LRP1B: variants seen among roughly 807,000 people sequenced by gnomAD.
LRP1B encodes LDL receptor related protein 1B.
Under a neutral mutation model 556.6 loss-of-function variants are expected in LRP1B, and 217 were observed. The observed-to-expected ratio is 0.39, with a 90% confidence interval of 0.35 to 0.44. The LOEUF is 0.44. Ranked by LOEUF, LRP1B falls within the 20% of genes least tolerant of loss-of-function variation. The pLI is 1.00. For synonymous variants in LRP1B, 2,047 were observed against 1,865.8 expected (o/e 1.10, Z -2.50); for missense variants, 5,053 against 5,620.8 (o/e 0.90, Z 3.23).
At chr2:141,729,066 CTGAGCCTCAAACTGGGTTCTT>C (rs1693163004) in intron 2 of LRP1B, among the ~76,000 whole-genome samples, 1 of 152,126 alleles carries the variant, frequency 6.6e-6, no homozygotes, top group African/African-American at 2.4e-5. Context: ...ATTACAGCAG[CTGAGCCTCAAACTGGGTTCTT>C]TGTGGGCTTC....
At chr2:140,271,142 A>AT (rs1347512606) in intron 85 of LRP1B, among the ~76,000 whole-genome samples, 9 of 150,746 alleles carry the variant, frequency 6.0e-5, no homozygotes, top group Admixed American at 4.6e-4. Context: ...GCCATGTTAC[A>AT]TTTTTTTAAA....
chr2:141,600,440 G>A (rs1321144525), intron 2 of LRP1B, among the ~76,000 whole-genome samples: 1 of 152,198 alleles, frequency 6.6e-6, no homozygotes, highest in Non-Finnish European at 1.5e-5. Flanking sequence ...GGGTCCTAGA[G>A]TAATGGTGGT....
At chr2:140,706,142 A>G (rs753728687) in intron 37 of LRP1B, among the ~76,000 whole-genome samples, 12 of 152,152 alleles carry the variant, frequency 7.9e-5, no homozygotes, top group Non-Finnish European at 1.3e-4. Context: ...GGTCTTTAGC[A>G]ATAGGAAGAA....
chr2:140,313,788 A>G (rs746272605), intron 83 of LRP1B, among the ~76,000 whole-genome samples: 35 of 152,020 alleles, frequency 2.3e-4, no homozygotes, highest in Non-Finnish European at 3.8e-4. Context: ...GTAACAGAAT[A>G]TACTTTATGA....
intron 1 of LRP1B, among the ~76,000 whole-genome samples, chr2:141,913,185 T>C (rs978638305): frequency 6.6e-6 from 1 of 152,140 alleles, no homozygotes; most frequent in Non-Finnish European, 1.5e-5. Context: ...CTGAACCATA[T>C]ATTACAATGA....
At chr2:141,784,240 A>G (rs1695353886) in intron 2 of LRP1B, among the ~76,000 whole-genome samples, 1 of 152,042 alleles carries the variant, frequency 6.6e-6, no homozygotes, top group Non-Finnish European at 1.5e-5. Flanking sequence ...TACTGGTGGT[A>G]GAAAGAAGAC....
intron 3 of LRP1B, among the ~76,000 whole-genome samples, chr2:141,388,162 G>A (rs186596202): frequency 2.2e-3 from 336 of 152,220 alleles, no homozygotes; most frequent in African/African-American, 7.3e-3. Flanking sequence ...ATGGCCGGGC[G>A]CAGTGGCTCA....
At chr2:141,155,965 T>C (rs1391931273) in intron 7 of LRP1B, among the ~76,000 whole-genome samples, 2 of 152,128 alleles carry the variant, frequency 1.3e-5, no homozygotes, top group Non-Finnish European at 2.9e-5. Context: ...ACTCCTTTCT[T>C]CCATAATTCC....
At chr2:140,265,305 ATAT>A (rs1682149446) in intron 86 of LRP1B, among the ~76,000 whole-genome samples, 1 of 152,106 alleles carries the variant, frequency 6.6e-6, no homozygotes, top group African/African-American at 2.4e-5. Context: ...CATTGTTTTA[ATAT>A]TATTCAATGT....
At chr2:140,783,796 C>T (rs1449044231) in intron 32 of LRP1B, among the ~76,000 whole-genome samples, 1 of 152,124 alleles carries the variant, frequency 6.6e-6, no homozygotes, top group African/African-American at 2.4e-5. Flanking sequence ...TGTCTTTCCT[C>T]AAGCCTGGTG....
At chr2:140,796,137 T>G (rs927252093) in intron 32 of LRP1B, among the ~76,000 whole-genome samples, 24 of 152,134 alleles carry the variant, frequency 1.6e-4, no homozygotes, top group Non-Finnish European at 3.2e-4. Flanking sequence ...ATAATATAAA[T>G]AGTGAACAAT....
chr2:142,102,241 T>C (rs1471328809), intron 1 of LRP1B, among the ~76,000 whole-genome samples: 1 of 151,888 alleles, frequency 6.6e-6, no homozygotes, highest in Non-Finnish European at 1.5e-5. Context: ...GCCACATGCA[T>C]TGTGAACCAA....
Position 140,485,849 on chromosome 2 carries a change from A to ACACACACG in LRP1B, c.9244-326_9244-325insCGTGTGTG, listed in dbSNP as rs576356372. ...TGGGACAAAATTCTCACGCACATAC[A>ACACACACG]CACACACACACACACACACACACAC... On this transcript the variant is annotated intron_variant, in intron 58 of 90. Coordinates refer to ENST00000389484, the MANE Select transcript of LRP1B (RefSeq NM_018557.3). Among the ~76,000 whole-genome samples, 550 of 128,472 alleles carry ACACACACG rather than the reference A, an allele frequency of 4.3e-3. 7 individuals carry two copies. Among genetic ancestry groups the ACACACACG allele is most frequent in the African/African-American group, 0.016 (521 of 32,666 alleles). 84.3% of individuals were successfully genotyped at this position (128,472 alleles called of 152,430 possible). A position where few individuals can be genotyped will look rare whatever the true frequency, so the allele number is the denominator to read the frequency against.
chr2:140,821,745 A>C (rs188303695), intron 31 of LRP1B, among the ~76,000 whole-genome samples: 1 of 152,304 alleles, frequency 6.6e-6, no homozygotes, highest in Non-Finnish European at 1.5e-5. Flanking sequence ...CATTGAAAAT[A>C]AAGGGGAGGC....
At chr2:140,728,927 G>C (rs892488457) in intron 35 of LRP1B, among the ~76,000 whole-genome samples, 2 of 151,814 alleles carry the variant, frequency 1.3e-5, no homozygotes, top group Non-Finnish European at 2.9e-5. Flanking sequence ...TAAATACCTA[G>C]CATTTAATAA....
intron 1 of LRP1B, among the ~76,000 whole-genome samples, chr2:141,941,791 A>G (rs1700812216): frequency 1.3e-5 from 2 of 152,212 alleles, no homozygotes. Context: ...ATAAGAGTCC[A>G]TGTCAAATAT....
At chr2:141,515,843 AG>A (rs1321191251) in intron 2 of LRP1B, among the ~76,000 whole-genome samples, 2 of 152,220 alleles carry the variant, frequency 1.3e-5, no homozygotes, top group Non-Finnish European at 2.9e-5. Context: ...TGAACGCCCA[AG>A]TGAACTGTAC....
At chr2:140,322,977 A>G (rs1680234382) in intron 81 of LRP1B, among the ~76,000 whole-genome samples, 1 of 151,994 alleles carries the variant, frequency 6.6e-6, no homozygotes, top group African/African-American at 2.4e-5. Context: ...ATGCCAAATT[A>G]TTGGTAAAGA....
chr2:141,871,111 C>T (rs756739341), intron 1 of LRP1B, among the ~76,000 whole-genome samples: 1 of 151,828 alleles, frequency 6.6e-6, no homozygotes, highest in Non-Finnish European at 1.5e-5. Flanking sequence ...CAATTTAAAT[C>T]CTAACAAACA....
Sources: allele counts gnomAD v4.1 joint callset (sites outside exome capture counted in the v4.1 genomes callset), GRCh38; gene constraint gnomAD v4.1.1; transcripts MANE v1.5; gene names NCBI Gene and HGNC (gene_info 2026-07-23, HGNC 2026-07-21).